PCDHA12: variants seen among roughly 807,000 people sequenced by gnomAD.
The protein encoded by PCDHA12 is protocadherin alpha 12, also known as protocadherin alpha-12.
PCDHA12 carries 44 observed loss-of-function variants against 60.0 expected under a neutral mutation model. The ratio of observed to expected loss-of-function variants is 0.73; its 90% CI spans 0.58 to 0.94. The LOEUF (loss-of-function observed/expected upper bound fraction) is 0.94. Among genes scored for constraint, PCDHA12 ranks in the 40% least tolerant of loss-of-function variants. The probability of loss-of-function intolerance (pLI) is 0.00; values close to 1 mark genes in which losing one functional copy is unlikely to be tolerated. For missense variants in PCDHA12, 1,276 were observed against 1,239.7 expected, an observed-to-expected ratio of 1.03 and a Z score of -0.44; for synonymous variants, 569 against 553.0, an observed-to-expected ratio of 1.03 and a Z score of -0.40.
At chr5:140,980,397 C>T (rs888776890) in intron 2 of PCDHA12, among the ~76,000 whole-genome samples, 3 of 152,100 alleles carry the variant, frequency 2.0e-5, no homozygotes, top group South Asian at 2.1e-4. Context: ...TTTGGGAGGC[C>T]GAGGTGGGCA....
chr5:140,899,485 G>T (rs2067355642), intron 1 of PCDHA12, among the ~76,000 whole-genome samples: 2 of 152,140 alleles, frequency 1.3e-5, no homozygotes, highest in African/African-American at 4.8e-5. Flanking sequence ...TTATATGCTG[G>T]ATTACATTTA....
chr5:140,930,781 CAATAT>C (rs1259470112), intron 1 of PCDHA12, among the ~76,000 whole-genome samples: 2 of 152,048 alleles, frequency 1.3e-5, no homozygotes, highest in African/African-American at 4.8e-5. Context: ...AATATTTTCA[CAATAT>C]AATAGAATCC....
Position 140,926,934 on chromosome 5 carries a change from C to T in PCDHA12, c.2367+49095C>T, listed in dbSNP as rs138351230. ...TGGCAGTTTTATGTTTGTGGGTTTC[C>T]TGCGGCGCTGCAGCGGGACAGCTCG... On this transcript the variant is annotated intron_variant, in intron 1 of 3. Coordinates refer to ENST00000398631, the MANE Select transcript of PCDHA12 (RefSeq NM_018903.4). The T allele has an allele frequency of 5.7e-6, 9 of 1,578,848 alleles. No homozygotes were observed. The African/African-American group carries it at 1.2e-4, about 21-fold the overall frequency.
chr5:140,955,452 G>A (rs921510611), intron 1 of PCDHA12, among the ~76,000 whole-genome samples: 1 of 152,024 alleles, frequency 6.6e-6, no homozygotes, highest in African/African-American at 2.4e-5. Flanking sequence ...TTTTATAAGG[G>A]CTTTTTCCTT....
At chr5:140,935,358 A>C (rs2090329846) in intron 1 of PCDHA12, among the ~76,000 whole-genome samples, 1 of 152,220 alleles carries the variant, frequency 6.6e-6, no homozygotes, top group East Asian at 1.9e-4. Context: ...CCCAGTTTTC[A>C]TTAACGTCAA....
intron 1 of PCDHA12, among the ~76,000 whole-genome samples, chr5:140,924,406 C>T (rs1353288147): frequency 6.6e-6 from 1 of 152,132 alleles, no homozygotes; most frequent in Non-Finnish European, 1.5e-5. Context: ...CCTTATATCA[C>T]AGTGTGCCCT....
At position 140,877,310 on chromosome 5, in the gene PCDHA12, C is replaced by A; in HGVS notation, c.1838C>A (p.Pro613Gln). The A allele has an allele frequency of 1.2e-6, 2 of 1,613,938 alleles. No homozygotes were observed. Among genetic ancestry groups the A allele is most frequent in the Non-Finnish European group, 1.7e-6 (2 of 1,179,858 alleles). ...GCTTGGCTGTCCTACGAGTTGCAAC[C>A]GGCGGCGGTCGGCGCGCACATCCCG... ...YNAWLSYELQ[P>Q]AAVGAHIPFH... Residue 613 changes from proline (P) to glutamine (Q), a missense_variant, in exon 1 of 4, where the codon CCG becomes CAG. By Grantham distance (76) the Pro-to-Gln change is moderately conservative (BLOSUM62 -1). Coordinates refer to ENST00000398631, the MANE Select transcript of PCDHA12 (RefSeq NM_018903.4).
intron 1 of PCDHA12, 93 bp downstream of exon 1, chr5:140,877,932 A>G: frequency 7.1e-7 from 1 of 1,407,638 alleles, no homozygotes; most frequent in Non-Finnish European, 9.3e-7. Flanking sequence ...TTATGATTCT[A>G]TCCTTTAAAC....
At chr5:140,909,907 A>C (rs1554194005) in intron 1 of PCDHA12, among the ~76,000 whole-genome samples, 1 of 152,168 alleles carries the variant, frequency 6.6e-6, no homozygotes, top group African/African-American at 2.4e-5. Flanking sequence ...CTGAAATGGC[A>C]ATCATTTCCC....
At chr5:140,926,840 C>T (rs1427760232) in intron 1 of PCDHA12, 4 of 1,514,378 alleles carry the variant, frequency 2.6e-6, no homozygotes, top group South Asian at 2.7e-5. Flanking sequence ...GAGCATGGTC[C>T]TGGGTCACCG....
At chr5:140,982,900 C>G (rs1443607900) in intron 3 of PCDHA12, among the ~76,000 whole-genome samples, 1 of 151,932 alleles carries the variant, frequency 6.6e-6, no homozygotes, top group African/African-American at 2.4e-5. Flanking sequence ...ATCTGGTGGC[C>G]TTATGCACAG....
chr5:140,899,936 T>A (rs1443562291), intron 1 of PCDHA12, among the ~76,000 whole-genome samples: 1 of 152,064 alleles, frequency 6.6e-6, no homozygotes, highest in Non-Finnish European at 1.5e-5. Context: ...GCCTCCTGAA[T>A]AGCTGGGACC....
At chr5:140,983,904 C>T (rs1227752084) in intron 3 of PCDHA12, among the ~76,000 whole-genome samples, 2 of 152,164 alleles carry the variant, frequency 1.3e-5, no homozygotes, top group African/African-American at 4.8e-5. Context: ...TTCGTTGATT[C>T]TAATCAGCCA....
chr5:140,980,635 A>AT (rs1224584187), intron 2 of PCDHA12, among the ~76,000 whole-genome samples: 1 of 152,232 alleles, frequency 6.6e-6, no homozygotes, highest in Non-Finnish European at 1.5e-5. Context: ...TCTCAGAAGA[A>AT]TAAATAAATG....
rs137875021 is a variant in PCDHA12, at chr5:140,942,837, A to C, written c.2368-36112A>C. Among the ~76,000 whole-genome samples, 666 of 152,296 alleles carry C rather than the reference A, an allele frequency of 4.4e-3. 3 individuals are homozygous for C. Among genetic ancestry groups the C allele is most frequent in the African/African-American group, 0.016 (646 of 41,564 alleles). On this transcript the variant is annotated intron_variant, in intron 1 of 3. Transcript: ENST00000398631. ...TTGGATTTGGCCCTGTGTCAATAAA[A>C]ATTCCAGTAAGATGATTATTTTGCT...
At chr5:140,880,514 TC>T (rs1459255635) in intron 1 of PCDHA12, among the ~76,000 whole-genome samples, 1 of 152,198 alleles carries the variant, frequency 6.6e-6, no homozygotes, top group Non-Finnish European at 1.5e-5. Context: ...TTTGGTCACA[TC>T]TCTCAATGTG....
intron 1 of PCDHA12, among the ~76,000 whole-genome samples, chr5:140,891,446 G>T (rs1554184841): frequency 1.0e-4 from 15 of 149,150 alleles, no homozygotes. Context: ...CATTGTATAG[G>T]ATTTTTGAAT....
intron 1 of PCDHA12, chr5:140,928,449 G>A (rs1225507568): frequency 3.7e-6 from 6 of 1,614,136 alleles, no homozygotes; most frequent in Non-Finnish European, 5.1e-6. Context: ...AGCAGCTCAG[G>A]GGGTTTCATT....
intron 1 of PCDHA12, among the ~76,000 whole-genome samples, chr5:140,954,491 T>C (rs1554221443): frequency 6.6e-6 from 1 of 152,264 alleles, no homozygotes; most frequent in Non-Finnish European, 1.5e-5. Flanking sequence ...TATTTCATTG[T>C]GGTTTTGATT....
Sources: allele counts gnomAD v4.1 joint callset (sites outside exome capture counted in the v4.1 genomes callset), GRCh38; gene constraint gnomAD v4.1.1; transcripts MANE v1.5; gene names NCBI Gene and HGNC (gene_info 2026-07-23, HGNC 2026-07-21).